Variants in L2HGDH observed in about 807,000 individuals in gnomAD.
The protein encoded by L2HGDH is L-2-hydroxyglutarate dehydrogenase, mitochondrial.
L2HGDH carries 34 observed loss-of-function variants against 51.5 expected under a neutral mutation model. That is an observed-to-expected ratio of 0.66 (90% CI 0.50 to 0.88). The LOEUF (loss-of-function observed/expected upper bound fraction) is 0.88, where lower values mean the gene tolerates loss of function less well. Among genes scored for constraint, L2HGDH ranks in the 40% least tolerant of loss-of-function variants. L2HGDH has a pLI of 0.00. For synonymous variants in L2HGDH, 198 were observed against 197.9 expected, an observed-to-expected ratio of 1.00 and a Z score of -0.01; for missense variants, 558 against 571.9, an observed-to-expected ratio of 0.98 and a Z score of 0.25.
intron 1 of L2HGDH, among the ~76,000 whole-genome samples, chr14:50,306,664 G>A (rs2139225768): frequency 6.6e-6 from 1 of 150,600 alleles, no homozygotes. Flanking sequence ...GCTGACTCTG[G>A]CTGCTGCGTG....
intron 4 of L2HGDH, among the ~76,000 whole-genome samples, chr14:50,288,205 T>C (rs779157256): frequency 1.2e-4 from 19 of 152,202 alleles, no homozygotes; most frequent in African/African-American, 3.1e-4. Flanking sequence ...ATCAAAATCA[T>C]ATAAAGCTAT....
At chr14:50,260,254 C>T (rs75481167) in intron 9 of L2HGDH, among the ~76,000 whole-genome samples, 26,812 of 151,432 alleles carry the variant, frequency 0.18, 2,560 homozygotes, top group East Asian at 0.42. Flanking sequence ...GAGGGTATAG[C>T]CTTTCAAGAG....
chr14:50,265,424 A>G lies in L2HGDH; in HGVS notation c.1130T>C (p.Phe377Ser), dbSNP rs760624214. The change falls in exon 9 of 10, where the codon TTT becomes TCT. Residue 377 changes from phenylalanine to serine, a missense_variant. By Grantham distance (155) the Phe-to-Ser change is radical. Coordinates refer to ENST00000267436, the MANE Select transcript of L2HGDH (RefSeq NM_024884.3). Reference sequence around the variant, plus strand: ...AAGATACTTCACTGTTGCACCAAGAAAACATGCTTTATACATTTCAGTAAC... The same window carrying G: ...AAGATACTTCACTGTTGCACCAAGAGAACATGCTTTATACATTTCAGTAAC... ...YGVTEMYKACFLGATVKYLQK... is the reference protein window; with the variant it reads ...YGVTEMYKACSLGATVKYLQK... The G allele has an allele frequency of 5.0e-6, 8 of 1,612,742 alleles. No individual in the cohort carries two copies. The highest frequency in any genetic ancestry group is 1.7e-5 in the Admixed American group (1 of 60,004).
At chr14:50,311,973 A>G in intron 1 of L2HGDH, 38 bp downstream of exon 1, 1 of 1,544,500 alleles carries the variant, frequency 6.5e-7, no homozygotes, top group African/African-American at 1.4e-5. Flanking sequence ...CGCGAGGGGC[A>G]GCAGCGCAGG....
At chr14:50,311,854 G>C (rs1224847068) in intron 1 of L2HGDH, among the ~76,000 whole-genome samples, 157 bp downstream of exon 1, 1 of 152,222 alleles carries the variant, frequency 6.6e-6, no homozygotes, top group Admixed American at 6.5e-5. Flanking sequence ...TGAACCTGCA[G>C]GTTGGTAGCT....
chr14:50,270,454 C>G (rs1332529619), intron 6 of L2HGDH, among the ~76,000 whole-genome samples: 2 of 152,034 alleles, frequency 1.3e-5, no homozygotes, highest in African/African-American at 4.8e-5. Flanking sequence ...AGAGTTCTCA[C>G]CTGTCTCAAC....
chr14:50,294,276 A>G (rs2029905124), intron 3 of L2HGDH, 30 bp from the exon 4 acceptor site: 13 of 1,602,906 alleles, frequency 8.1e-6, no homozygotes, highest in Non-Finnish European at 6.0e-6. Context: ...AGGAGCATGG[A>G]TAGAGGTGAA....
At chr14:50,295,547 C>T (rs936588207) in intron 3 of L2HGDH, among the ~76,000 whole-genome samples, 1 of 149,166 alleles carries the variant, frequency 6.7e-6, no homozygotes, top group Non-Finnish European at 1.5e-5. Flanking sequence ...GCTGGGACTA[C>T]AGGCATGTGC....
intron 9 of L2HGDH, 56 bp downstream of exon 9, chr14:50,265,302 C>T (rs1228540073): frequency 4.7e-6 from 7 of 1,493,020 alleles, no homozygotes; most frequent in Non-Finnish European, 6.5e-6. Context: ...TCAGACCCAC[C>T]TCTCAAGTTC....
chr14:50,269,595 G>A (rs1251360968), intron 6 of L2HGDH, among the ~76,000 whole-genome samples: 1 of 152,094 alleles, frequency 6.6e-6, no homozygotes, highest in East Asian at 1.9e-4. Flanking sequence ...ACTTAGTAAG[G>A]TATACATGCA....
At chr14:50,256,698 C>T (rs1355250035) in intron 9 of L2HGDH, among the ~76,000 whole-genome samples, 1 of 151,920 alleles carries the variant, frequency 6.6e-6, no homozygotes, top group East Asian at 1.9e-4. Context: ...TCTCCTCTTT[C>T]TTCACTTATT....
intron 4 of L2HGDH, among the ~76,000 whole-genome samples, chr14:50,289,529 C>T (rs192466959): frequency 6.6e-6 from 1 of 152,066 alleles, no homozygotes; most frequent in African/African-American, 2.4e-5. Flanking sequence ...TCAGGGAGCA[C>T]CTCATTCATA....
At chr14:50,303,081 G>A (rs2030509970) in intron 1 of L2HGDH, 64 bp from the exon 2 acceptor site, 1 of 1,005,186 alleles carries the variant, frequency 9.9e-7, no homozygotes, top group Non-Finnish European at 1.6e-6. Flanking sequence ...AACTTCACAT[G>A]CATAATTTTC....
At chr14:50,263,765 GC>G (rs1326011426) in intron 9 of L2HGDH, among the ~76,000 whole-genome samples, 1 of 139,772 alleles carries the variant, frequency 7.2e-6, no homozygotes, top group African/African-American at 2.7e-5. Context: ...AGTCTAGAAA[GC>G]CTTTTATCTT....
At chr14:50,269,061 C>CA (rs1160394244) in intron 7 of L2HGDH, 102 bp downstream of exon 7, 1 of 1,040,708 alleles carries the variant, frequency 9.6e-7, no homozygotes, top group African/African-American at 1.6e-5. Context: ...AACGGTCCTT[C>CA]AAAATTTCTC....
intron 1 of L2HGDH, among the ~76,000 whole-genome samples, chr14:50,309,260 T>A (rs558136739): frequency 6.6e-6 from 1 of 152,300 alleles, no homozygotes; most frequent in East Asian, 1.9e-4. Context: ...TACTGAATAT[T>A]TGGTGATATA....
intron 4 of L2HGDH, among the ~76,000 whole-genome samples, chr14:50,285,547 A>C (rs990497250): frequency 5.9e-5 from 9 of 152,228 alleles, no homozygotes; most frequent in Non-Finnish European, 1.3e-4. Context: ...GGGTACAATA[A>C]TCTTAGAAGC....
Position 50,245,879 on chromosome 14 carries a change from T to C in L2HGDH, c.*1179A>G. 1.1e-6 allele frequency: 1 copy of C among 938,958 alleles called. No homozygotes were observed. Among genetic ancestry groups the C allele is most frequent in the Middle Eastern group, 5.5e-4 (1 of 1,814 alleles). 58.2% of individuals were successfully genotyped at this position (938,958 alleles called of 1,614,324 possible). The stretch of plus-strand genomic sequence containing the variant: ...GCTCGCACCTGTAATCCCAGCATTT[T>C]GGGAGGCTGAGGCAGGTGGATCACC... On this transcript the variant is annotated 3_prime_UTR_variant, in exon 10 of 10. Coordinates refer to ENST00000267436, the MANE Select transcript of L2HGDH (RefSeq NM_024884.3).
At chr14:50,256,256 T>C (rs2139944969) in intron 9 of L2HGDH, among the ~76,000 whole-genome samples, 1 of 152,240 alleles carries the variant, frequency 6.6e-6, no homozygotes, top group African/African-American at 2.4e-5. Context: ...GGCTCATGCC[T>C]ATAATCCCAA....
Sources: gnomAD v4.1 joint callset for allele counts (sites outside exome capture counted in the v4.1 genomes callset) on GRCh38, gnomAD v4.1.1 for gene constraint, MANE v1.5 for transcripts, NCBI Gene and HGNC (gene_info 2026-07-23, HGNC 2026-07-21) for gene names.